Variants in UGGT2 observed in about 807,000 individuals in gnomAD.
The protein encoded by UGGT2 is UDP-glucose:glycoprotein glucosyltransferase 2.
A neutral mutation model predicts 192.1 loss-of-function variants in UGGT2; 180 were observed. That is an observed-to-expected ratio of 0.94 (90% CI 0.83 to 1.06). UGGT2 has a LOEUF of 1.06. UGGT2 is among the 50% of genes least tolerant of loss of function. The probability of loss-of-function intolerance (pLI) is 0.00; values close to 1 mark genes in which losing one functional copy is unlikely to be tolerated. For synonymous variants in UGGT2, 580 were observed against 591.0 expected, an observed-to-expected ratio of 0.98 and a Z score of 0.27; for missense variants, 1,849 against 1,795.7, an observed-to-expected ratio of 1.03 and a Z score of -0.54.
chr13:95,906,309 C>T (rs1345085681), intron 20 of UGGT2, among the ~76,000 whole-genome samples: 1 of 152,110 alleles, frequency 6.6e-6, no homozygotes, highest in African/African-American at 2.4e-5. Context: ...TGGTATTAAA[C>T]AACCTTAAAC....
chr13:95,856,089 ATC>A, intron 34 of UGGT2, 67 bp downstream of exon 34: 1 of 1,239,402 alleles, frequency 8.1e-7, no homozygotes, highest in Admixed American at 2.5e-5. Context: ...ACATGAATTA[ATC>A]TCTATATTAA....
chr13:95,865,787 T>C (rs1443974440), intron 30 of UGGT2, among the ~76,000 whole-genome samples: 1 of 152,248 alleles, frequency 6.6e-6, no homozygotes, highest in Non-Finnish European at 1.5e-5. Flanking sequence ...ATGTTACTTG[T>C]ACCCCATTCT....
At chr13:96,029,758 G>C (rs2052776556) in intron 2 of UGGT2, among the ~76,000 whole-genome samples, 1 of 152,104 alleles carries the variant, frequency 6.6e-6, no homozygotes, top group South Asian at 2.1e-4. Flanking sequence ...AAAATATGCT[G>C]ATATATTTAA....
At chr13:95,881,950 C>G (rs965424705) in intron 27 of UGGT2, among the ~76,000 whole-genome samples, 2 of 151,754 alleles carry the variant, frequency 1.3e-5, no homozygotes, top group African/African-American at 4.8e-5. Context: ...GCTCCGTCAC[C>G]CAGGATGGAG....
At chr13:95,890,652 C>T (rs1275191545) in intron 25 of UGGT2, among the ~76,000 whole-genome samples, 2 of 152,102 alleles carry the variant, frequency 1.3e-5, no homozygotes, top group African/African-American at 4.8e-5. Context: ...GTGGGGAATA[C>T]AATGCAGTTC....
rs567124070 is a variant in UGGT2 at position 95,829,476 on chromosome 13, T to C, written c.4528+3451A>G. 3.6e-3 allele frequency among the ~76,000 whole-genome samples: 550 copies of C among 152,280 alleles called. 6 individuals carry two copies. The highest frequency in any genetic ancestry group is 0.012 in the African/African-American group (511 of 41,568). On this transcript the variant is annotated intron_variant, in intron 38 of 38. Coordinates refer to ENST00000376747, the MANE Select transcript of UGGT2 (RefSeq NM_020121.4). The stretch of plus-strand genomic sequence containing the variant: ...TGATAAGCAACTTCAGCAAAGTCTC[T>C]GGATACAAAATCAATGTGCAGAAAT...
intron 17 of UGGT2, among the ~76,000 whole-genome samples, chr13:95,930,241 G>A (rs28895285): frequency 0.057 from 8,704 of 152,104 alleles, 377 homozygotes; most frequent in East Asian, 0.16. Context: ...ACTCTGTTGC[G>A]AGTTTCTTTT....
chr13:95,860,697 T>C, intron 32 of UGGT2, 91 bp downstream of exon 32: 1 of 733,800 alleles, frequency 1.4e-6, no homozygotes, highest in South Asian at 3.9e-5. Flanking sequence ...GGAGTTTTTT[T>C]TTTCCCAGTG....
At chr13:95,908,583 T>C (rs1332617756) in intron 20 of UGGT2, among the ~76,000 whole-genome samples, 1 of 151,856 alleles carries the variant, frequency 6.6e-6, no homozygotes, top group East Asian at 1.9e-4. Flanking sequence ...AGTGTTCCTA[T>C]TTCTCCACAT....
rs776944512 is a variant in UGGT2, at chr13:95,936,992, C to A, written c.1909G>T (p.Glu637Ter). The A allele has an allele frequency of 2.5e-6, 4 of 1,604,338 alleles. No individual in the cohort carries two copies. The highest frequency in any genetic ancestry group is 3.3e-4 in the Middle Eastern group (2 of 6,058). ...PFKHEEMNIK[E>*]LKMAVLQRMM... The stretch of plus-strand genomic sequence containing the variant: ...CTTTGAAGAACAGCCATTTTTAGTT[C>A]TTTAATATTCATCTCTTCATGTTTA... Residue 637 changes from glutamate (E) to a stop codon, truncating the protein, a stop_gained, in exon 17 of 39, where the codon GAA becomes TAA. Transcript: ENST00000376747. LOFTEE classifies it high-confidence loss of function.
chr13:95,960,219 T>C (rs1219302719), intron 12 of UGGT2, among the ~76,000 whole-genome samples: 3 of 152,152 alleles, frequency 2.0e-5, no homozygotes, highest in Non-Finnish European at 4.4e-5. Context: ...AGGAACACAA[T>C]AATTCTCCAG....
chr13:96,049,602 CCTT>C (rs1451028929), intron 1 of UGGT2, among the ~76,000 whole-genome samples: 2 of 152,274 alleles, frequency 1.3e-5, no homozygotes, highest in South Asian at 2.1e-4. Context: ...CCCAAAATCT[CCTT>C]AAGCTGATAA....
intron 36 of UGGT2, among the ~76,000 whole-genome samples, chr13:95,852,060 G>C (rs539337754): frequency 1.3e-5 from 2 of 152,006 alleles, no homozygotes; most frequent in East Asian, 3.9e-4. Context: ...TATATTTGAA[G>C]ATCTCCCAAT....
intron 20 of UGGT2, 39 bp downstream of exon 20, chr13:95,925,641 A>G: frequency 7.6e-7 from 1 of 1,323,704 alleles, no homozygotes; most frequent in African/African-American, 1.5e-5. Flanking sequence ...TTAAATTGAA[A>G]TAAATTAAAA....
rs375824723 is a variant in UGGT2 at position 96,002,467 on chromosome 13, TTCTC to T, written c.661-3164_661-3161del. ...GAAGTTCTCTGAGAATAAGGAATGT[TTCTC>T]TCTTATTCACTGCTACATGAACCAA... is the stretch of plus-strand genomic sequence containing the variant. On this transcript the variant is annotated intron_variant, in intron 5 of 38. Transcript: ENST00000376747. Among the ~76,000 whole-genome samples, 63 of 152,318 alleles carry T rather than the reference TTCTC, an allele frequency of 4.1e-4. 1 individual carries two copies. The East Asian group carries it at 0.011, about 27-fold the overall frequency.
In UGGT2 at chr13:95,932,827, C is replaced by T. The variant is rs148640204; in HGVS notation, c.1977+4097G>A. ...TGTTTGATTTTATTGAATAATTTTT[C>T]AGCATCTATCAAAATGATCACATTT... On this transcript the variant is annotated intron_variant, in intron 17 of 38. Transcript: ENST00000376747. Among the ~76,000 whole-genome samples, 91 of 152,282 alleles carry T rather than the reference C, an allele frequency of 6.0e-4. No homozygotes were observed. In the South Asian group the frequency reaches 8.9e-3, roughly 15 times the overall value.
chr13:95,906,470 A>G (rs956189523), intron 20 of UGGT2, among the ~76,000 whole-genome samples: 5 of 152,192 alleles, frequency 3.3e-5, no homozygotes, highest in Non-Finnish European at 7.3e-5. Flanking sequence ...AGTTTCTCAG[A>G]GAAACGTGGG....
intron 20 of UGGT2, among the ~76,000 whole-genome samples, chr13:95,904,066 G>T (rs775451641): frequency 4.6e-5 from 7 of 152,048 alleles, no homozygotes; most frequent in Non-Finnish European, 5.9e-5. Context: ...TGACTTGGAG[G>T]AGTTGGATTT....
At position 95,925,759 on chromosome 13, in the gene UGGT2, G is replaced by A. The variant is rs2048996685; in HGVS notation, c.2216C>T (p.Ser739Phe). The stretch of plus-strand genomic sequence containing the variant: ...TGCAATAATCCAGAGAGTGACTGCA[G>A]AAATTATACTCTCATCTGAAAGTTT... ...YLTQDDESII[S>F]AVTLWIIADF... is the part of the protein sequence containing the mutation. The change falls in exon 20 of 39, where the codon TCT becomes TTT. Residue 739 changes from serine to phenylalanine, a missense_variant. Physicochemically the swap from Ser to Phe is radical, Grantham distance 155. Transcript: ENST00000376747. The A allele has an allele frequency of 1.9e-6, 3 of 1,549,868 alleles. No individual in the cohort carries two copies. The highest frequency in any genetic ancestry group is 3.5e-4 in the Middle Eastern group (2 of 5,772).
Sources: gnomAD v4.1 joint callset for allele counts (sites outside exome capture counted in the v4.1 genomes callset) on GRCh38, gnomAD v4.1.1 for gene constraint, MANE v1.5 for transcripts, NCBI Gene and HGNC (gene_info 2026-07-23, HGNC 2026-07-21) for gene names.